SYTL2: variants seen among roughly 807,000 people sequenced by gnomAD.
SYTL2 encodes the protein synaptotagmin-like protein 2.
A neutral mutation model predicts 198.7 loss-of-function variants in SYTL2; 165 were observed. That is an observed-to-expected ratio of 0.83 (90% CI 0.73 to 0.94). The LOEUF is 0.94. Ranked by LOEUF, SYTL2 falls within the 40% of genes least tolerant of loss-of-function variation. The pLI, the probability that SYTL2 is intolerant of heterozygous loss-of-function variation, is 0.00. For synonymous variants in SYTL2, 966 were observed against 917.7 expected, an observed-to-expected ratio of 1.05 and a Z score of -0.95; for missense variants, 2,835 against 2,582.8, an observed-to-expected ratio of 1.10 and a Z score of -2.12.
At chr11:85,818,412 G>A in the SYTL2 span, among the ~76,000 whole-genome samples, 1 of 152,230 alleles carries the variant, frequency 6.6e-6, no homozygotes, top group Middle Eastern at 3.4e-3. Flanking sequence ...GTTTGCTGTT[G>A]ATTCTCTTTC....
At chr11:85,813,660 C>T (rs538692097), upstream of SYTL2, among the ~76,000 whole-genome samples, 1 of 152,170 alleles carries the variant, frequency 6.6e-6, no homozygotes, top group South Asian at 2.1e-4. Context: ...ACTTAATTTC[C>T]TTCTTTCTCT....
the SYTL2 span, among the ~76,000 whole-genome samples, chr11:85,848,934 GTTAT>G: frequency 6.6e-6 from 1 of 152,242 alleles, no homozygotes; most frequent in Non-Finnish European, 1.5e-5. Flanking sequence ...CAGAATTCTG[GTTAT>G]TTAAGTTAAA....
intron 1 of SYTL2, among the ~76,000 whole-genome samples, chr11:85,782,029 G>C (rs1036183185): frequency 6.6e-6 from 1 of 152,156 alleles, no homozygotes; most frequent in Non-Finnish European, 1.5e-5. Context: ...CTGGGTGTGG[G>C]GTCTCCAACC....
chr11:85,725,101 T>C lies in SYTL2; in HGVS notation c.4257A>G (p.Pro1419=), dbSNP rs768587020. Residue 1419 remains proline (P), a synonymous_variant, in exon 8 of 20, where the codon CCA becomes CCG. Transcript: ENST00000359152. ...GAACTATGGTGTCCATCGTAGCCCA[T>C]GGTGATATCACTCCTGGAGGATTTA... ...SPLNPPGVIS[P]WATMDTIVPD... is the part of the protein sequence containing the mutation. 3 of 1,614,128 alleles carry C rather than the reference T, an allele frequency of 1.9e-6. No homozygotes were observed. The highest frequency in any genetic ancestry group is 2.5e-6 in the Non-Finnish European group (3 of 1,179,968).
Position 85,727,493 on chromosome 11 carries a change from C to A in SYTL2, c.1865G>T (p.Gly622Val), listed in dbSNP as rs1437798921. The A allele has an allele frequency of 3.9e-6, 6 of 1,535,880 alleles. No individual in the cohort carries two copies. Among genetic ancestry groups the A allele is most frequent in the Non-Finnish European group, 5.2e-6 (6 of 1,146,834 alleles). ...TATACCTGGGCCTTCCTTTGGGGTG[C>A]CTTTTTGGGACAAATTCATGAATTT... ...KSKFMNLSQK[G>V]TPKEGPGILQ... Residue 622 changes from glycine to valine, a missense_variant, in exon 8 of 20, where the codon GGC (glycine) becomes GTC (valine). Gly to Val is a moderately radical substitution (Grantham distance 109). This residue lies in a region of SYTL2 where 2,645 missense variants were observed against 2,381.7 expected (regional missense o/e 1.11). Coordinates refer to ENST00000359152, the MANE Select transcript of SYTL2 (RefSeq NM_206927.4).
chr11:85,726,348 T>C lies in SYTL2; in HGVS notation c.3010A>G (p.Ile1004Val). ...NSNSKDNDKN[I>V]TTTSQKNSAP... ...GAATTTTTTTGGCTTGTGGTGGTAA[T>C]ATTCTTGTCATTATCCTTACTGTTT... The change falls in exon 8 of 20, where the codon ATT becomes GTT. Residue 1004 changes from isoleucine to valine, a missense_variant. Ile to Val is a conservative substitution (Grantham distance 29). Around this residue, in one of 3 missense-constraint regions of SYTL2, gnomAD observed 2,645 missense variants for 2,381.7 expected, o/e 1.11. Transcript: ENST00000359152. The C allele has an allele frequency of 6.2e-7, 1 of 1,614,112 alleles. No homozygotes were observed. The highest frequency in any genetic ancestry group is 8.5e-7 in the Non-Finnish European group (1 of 1,179,998).
rs757117657 is a variant in SYTL2 at position 85,696,378 on chromosome 11, G to C, written c.6379C>G (p.Pro2127Ala). ...TGGCGACTTTTCCTACTTGTATCTG[G>C]AAGGATGGTACTACAAAAAGAGGCA... Reference protein sequence around the residue: ...LNSFVKCTILPDTSRKSRQKT... With the variant: ...LNSFVKCTILADTSRKSRQKT... Residue 2127 changes from proline to alanine, a missense_variant, in exon 19 of 20, where the codon CCA becomes GCA. Coordinates refer to ENST00000359152, the MANE Select transcript of SYTL2 (RefSeq NM_206927.4). 18 of 1,613,676 alleles carry C rather than the reference G, an allele frequency of 1.1e-5. No individual in the cohort carries two copies. The highest frequency in any genetic ancestry group is 1.4e-5 in the Non-Finnish European group (17 of 1,179,734).
intron 3 of SYTL2, among the ~76,000 whole-genome samples, chr11:85,747,752 T>C (rs2091254792): frequency 6.6e-6 from 1 of 152,210 alleles, no homozygotes; most frequent in African/African-American, 2.4e-5. Flanking sequence ...ACAAAGTTGA[T>C]GTCTGTCTGG....
At chr11:85,831,250 G>A in the SYTL2 span, among the ~76,000 whole-genome samples, 5 of 152,160 alleles carry the variant, frequency 3.3e-5, no homozygotes, top group Admixed American at 6.5e-5. Flanking sequence ...AGCTTTAAAA[G>A]AAACTGGCAT....
intron 16 of SYTL2, among the ~76,000 whole-genome samples, chr11:85,702,346 A>C (rs192251447): frequency 6.6e-6 from 1 of 152,130 alleles, no homozygotes; most frequent in Non-Finnish European, 1.5e-5. Flanking sequence ...CATGCCACCA[A>C]GCCTGGTTAA....
Position 85,707,479 on chromosome 11 carries a change from T to C in SYTL2, c.5968A>G (p.Thr1990Ala). ...TTCAAGGTTTTCTTCACTACGAGTG[T>C]TTTCTTCTTGCCCATTTTGCCTTTG... ...PDKGKMGKKK[T>A]LVVKKTLNPV... The change falls in exon 15 of 20, where the codon ACA becomes GCA. Residue 1990 changes from threonine (T) to alanine (A), a missense_variant. Physicochemically the swap from Thr to Ala is moderately conservative, Grantham distance 58. This residue lies in a region of SYTL2 where 2,645 missense variants were observed against 2,381.7 expected (regional missense o/e 1.11). Transcript: ENST00000359152. 6.2e-7 allele frequency: 1 copy of C among 1,614,070 alleles called. No homozygotes were observed. Among genetic ancestry groups the C allele is most frequent in the Non-Finnish European group, 8.5e-7 (1 of 1,179,978 alleles).
intron 1 of SYTL2, among the ~76,000 whole-genome samples, chr11:85,770,477 C>T (rs1447545000): frequency 6.6e-6 from 1 of 152,188 alleles, no homozygotes; most frequent in Non-Finnish European, 1.5e-5. Context: ...GACTCGAAAA[C>T]CTTCCCAAGC....
In SYTL2 at chr11:85,757,848, C is replaced by T; in HGVS notation, c.-123G>A. 7.0e-7 allele frequency: 1 copy of T among 1,431,148 alleles called. No individual in the cohort carries two copies. The highest frequency in any genetic ancestry group is 9.4e-7 in the Non-Finnish European group (1 of 1,058,592). 88.7% of individuals were successfully genotyped at this position (1,431,148 alleles called of 1,614,324 possible). On this transcript the variant is annotated 5_prime_UTR_variant, in exon 2 of 20. An upstream start codon of the reference 5' UTR is lost. Coordinates refer to ENST00000359152, the MANE Select transcript of SYTL2 (RefSeq NM_206927.4). ...AAATGAAATATCTTGTTCAGTTCTG[C>T]ATCAAAGTCTTATTTTGGCTCAGCA...
chr11:85,836,009 T>C, the SYTL2 span, among the ~76,000 whole-genome samples: 6 of 152,186 alleles, frequency 3.9e-5, no homozygotes, highest in African/African-American at 1.4e-4. Context: ...GTCTGGGCTC[T>C]CTCTGGTTCA....
Position 85,734,018 on chromosome 11 carries a change from A to AT in SYTL2, c.1310dup (p.Asn437LysfsTer7). The AT allele has an allele frequency of 6.2e-7, 1 of 1,614,100 alleles. No homozygotes were observed. Among genetic ancestry groups the AT allele is most frequent in the Non-Finnish European group, 8.5e-7 (1 of 1,179,940 alleles). ...CTTTGGGTTCATTGATGGTTGGTGA[A>AT]TTCTCCATAGACTGTGGTCTTGCAG... is the stretch of plus-strand genomic sequence containing the variant. On this transcript the variant is annotated frameshift_variant, in exon 7 of 20. Coordinates refer to ENST00000359152, the MANE Select transcript of SYTL2 (RefSeq NM_206927.4). LOFTEE classifies it high-confidence loss of function.
the SYTL2 span, among the ~76,000 whole-genome samples, chr11:85,821,781 A>G: frequency 6.6e-6 from 1 of 152,240 alleles, no homozygotes; most frequent in Non-Finnish European, 1.5e-5. Context: ...CAAGACAAAC[A>G]TAAGATGACT....
chr11:85,832,908 A>G, the SYTL2 span, among the ~76,000 whole-genome samples: 1 of 150,714 alleles, frequency 6.6e-6, no homozygotes, highest in African/African-American at 2.4e-5. Context: ...AGCTGGGAGG[A>G]TCACTTGAGC....
the SYTL2 span, among the ~76,000 whole-genome samples, chr11:85,841,896 C>T: frequency 3.1e-4 from 47 of 152,314 alleles, no homozygotes; most frequent in African/African-American, 1.1e-3. Context: ...TTTTATTACA[C>T]AGGTGTAACT....
the SYTL2 span, chr11:85,853,048 G>A: frequency 3.3e-6 from 1 of 302,942 alleles, no homozygotes; most frequent in Non-Finnish European, 6.5e-6. Flanking sequence ...GAAGTGAGGA[G>A]CGCCTCCGCC....
Sources: gnomAD v4.1 joint callset for allele counts (sites outside exome capture counted in the v4.1 genomes callset) on GRCh38, gnomAD v4.1.1 for gene constraint, gnomAD v4.1.1 regional missense constraint, MANE v1.5 for transcripts, NCBI Gene and HGNC (gene_info 2026-07-23, HGNC 2026-07-21) for gene names.